AMY2B: variants seen among roughly 807,000 people sequenced by gnomAD.
The protein encoded by AMY2B is alpha-amylase 2B.
In AMY2B, 63 loss-of-function variants were observed where a neutral mutation model predicts 59.3. The ratio of observed to expected loss-of-function variants is 1.06; its 90% CI spans 0.87 to 1.31. AMY2B has a LOEUF of 1.31. Among genes scored for constraint, AMY2B ranks in the 50% most tolerant of loss-of-function variants. AMY2B has a pLI of 0.00. For missense variants in AMY2B, 635 were observed against 626.7 expected (o/e 1.01, Z -0.14); for synonymous variants, 180 against 198.1 (o/e 0.91, Z 0.77).
At chr1:103,575,612 A>T (rs1652322905) in intron 7 of AMY2B, 72 bp downstream of exon 7, 2 of 1,579,376 alleles carry the variant, frequency 1.3e-6, no homozygotes, top group African/African-American at 1.4e-5. Context: ...ACTTAATATG[A>T]CAACTATTAA....
chr1:103,577,721 A>G lies in AMY2B; in HGVS notation c.1222A>G (p.Asn408Asp). 6.2e-7 allele frequency: 1 copy of G among 1,611,676 alleles called. No homozygotes were observed. The highest frequency in any genetic ancestry group is 8.5e-7 in the Non-Finnish European group (1 of 1,179,788). ...TTTTATATGGTATTGTGTTTTTAGG[A>G]ACATGGTTAATTTCCGCAATGTAGT... is the stretch of plus-strand genomic sequence containing the variant. ...VCEHRWRQIR[N>D]MVNFRNVVDG... Residue 408 changes from asparagine to aspartate, a missense_variant and splice_region_variant, in exon 9 of 10, where the codon AAC becomes GAC. Physicochemically the swap from Asn to Asp is conservative, Grantham distance 23. Transcript: ENST00000684275.
rs1388971308 is a variant in AMY2B at position 103,575,223 on chromosome 1, G to A, written c.879G>A (p.Lys293=). The A allele has an allele frequency of 2.5e-6, 4 of 1,613,478 alleles. No individual in the cohort carries two copies. Among genetic ancestry groups the A allele is most frequent in the East Asian group, 2.2e-5 (1 of 44,856 alleles). The change falls in exon 6 of 10, where the codon AAG becomes AAA. Residue 293 remains lysine, a splice_region_variant and synonymous_variant. Coordinates refer to ENST00000684275, the MANE Select transcript of AMY2B (RefSeq NM_001387437.1). The part of the protein sequence containing the change: ...KWNGEKMSYL[K]NWGEGWGFMP... ...CATATATCTTATTTTTCAAAAATAG[G>A]AACTGGGGAGAAGGTTGGGGTTTCA...
intron 1 of AMY2B, 30 bp from the exon 2 acceptor site, chr1:103,572,080 T>C (rs1652156910): frequency 6.2e-7 from 1 of 1,611,514 alleles, no homozygotes; most frequent in Admixed American, 1.7e-5. Flanking sequence ...AGTAAGAATT[T>C]GGTAGTTATG....
At position 103,555,798 on chromosome 1, in the gene AMY2B, A is replaced by G. The variant is rs1651529243; in HGVS notation, c.-207+689A>G. 2.0e-5 allele frequency among the ~76,000 whole-genome samples: 3 copies of G among 152,148 alleles called. No individual in the cohort carries two copies. The South Asian group carries it at 6.2e-4, about 32-fold the overall frequency. ...AGGGGTTGTGAGAAATGGGTTGTTA[A>G]TGGAGGGCAATGTAGTATCAAAAAG... On this transcript the variant is annotated intron_variant, in intron 1 of 11. Coordinates refer to the AMY2B transcript ENST00000361355.
At chr1:103,565,173 G>A (rs550425821) in intron 1 of AMY2B, 1 of 152,262 alleles carries the variant, frequency 6.6e-6, no homozygotes, top group South Asian at 2.1e-4. Context: ...CAGTATCTGT[G>A]GGGGATTGGT....
Position 103,561,043 on chromosome 1 carries a change from C to T in AMY2B, c.-206-4392C>T, listed in dbSNP as rs553215049. ...AATCATATTTCTATCATGTAGGGTA[C>T]GCGTGTGTGATAAGTAAAAGTGATA... is the stretch of plus-strand genomic sequence containing the variant. On this transcript the variant is annotated intron_variant, in intron 1 of 11. Coordinates refer to the AMY2B transcript ENST00000361355. 1.2e-4 allele frequency among the ~76,000 whole-genome samples: 19 copies of T among 152,034 alleles called. No individual in the cohort carries two copies. In the East Asian group the frequency reaches 1.4e-3, roughly 11 times the overall value.
chr1:103,555,417 ATTATT>A (rs961209696), intron 1 of AMY2B, among the ~76,000 whole-genome samples: 1 of 151,740 alleles, frequency 6.6e-6, no homozygotes, highest in Non-Finnish European at 1.5e-5. Flanking sequence ...GTTTTTTGTA[ATTATT>A]TTATATTTGT....
chr1:103,564,781 GCTT>G (rs759169953), intron 1 of AMY2B, among the ~76,000 whole-genome samples: 5 of 151,872 alleles, frequency 3.3e-5, no homozygotes, highest in Non-Finnish European at 5.9e-5. Flanking sequence ...CCAATTCTCT[GCTT>G]CTTTCTTCAT....
intron 1 of AMY2B, among the ~76,000 whole-genome samples, chr1:103,564,809 G>A (rs1251317663): frequency 2.0e-5 from 3 of 151,744 alleles, no homozygotes; most frequent in Non-Finnish European, 2.9e-5. Flanking sequence ...TTTTTTAATT[G>A]TTTTTATATA....
chr1:103,573,368 G>A, intron 3 of AMY2B, 108 bp downstream of exon 3: 1 of 1,559,868 alleles, frequency 6.4e-7, no homozygotes, highest in South Asian at 1.2e-5. Flanking sequence ...ATCTCTTAGG[G>A]ACACAGGTTA....
intron 1 of AMY2B, among the ~76,000 whole-genome samples, chr1:103,562,672 CTTTTT>C (rs373215753): frequency 8.9e-6 from 1 of 112,088 alleles, no homozygotes; most frequent in Admixed American, 9.0e-5. Context: ...GATAACTTGT[CTTTTT>C]TTTTTTTTTT....
intron 8 of AMY2B, 23 bp from the exon 9 acceptor site, chr1:103,577,697 T>C: frequency 1.2e-6 from 2 of 1,611,838 alleles, no homozygotes; most frequent in Non-Finnish European, 1.7e-6. Flanking sequence ...ATATCAACGT[T>C]TTATATGGTA....
rs539646741 is a variant in AMY2B, at chr1:103,577,578, G to A, written c.1190G>A (p.Trp397Ter). 3 of 1,611,914 alleles carry A rather than the reference G, an allele frequency of 1.9e-6. No individual in the cohort carries two copies. The highest frequency in any genetic ancestry group is 1.3e-5 in the African/African-American group (1 of 74,958). Residue 397 changes from tryptophan (W) to a stop codon, truncating the protein, a stop_gained, in exon 8 of 10, where the codon TGG (tryptophan) becomes TAG (stop). Transcript: ENST00000684275. LOFTEE classifies it high-confidence loss of function. Reference sequence around the variant, plus strand: ...CCAGACACTACTTGTGGCAATGACTGGGTCTGTGAACATCGATGGCGCCAA... The same window carrying A: ...CCAGACACTACTTGTGGCAATGACTAGGTCTGTGAACATCGATGGCGCCAA... ...INPDTTCGND[W>*]VCEHRWRQIR...
chr1:103,571,759 G>A lies in AMY2B; in HGVS notation c.157G>A (p.Gly53Arg), dbSNP rs761489185. The A allele has an allele frequency of 1.2e-6, 2 of 1,611,940 alleles. No homozygotes were observed. Among genetic ancestry groups the A allele is most frequent in the South Asian group, 2.2e-5 (2 of 90,980 alleles). ...CERYLAPKGF[G>R]GVQVSPPNEN... Reference sequence around the variant, plus strand: ...GCGATATTTAGCTCCCAAGGGATTTGGAGGGGTTCAGGTGGGTATGATTCA... The same window carrying A: ...GCGATATTTAGCTCCCAAGGGATTTAGAGGGGTTCAGGTGGGTATGATTCA... Residue 53 changes from glycine (G) to arginine (R), a missense_variant, in exon 1 of 10, where the codon GGA becomes AGA. Gly to Arg is a moderately radical substitution (Grantham distance 125). Coordinates refer to ENST00000684275, the MANE Select transcript of AMY2B (RefSeq NM_001387437.1).
At chr1:103,557,705 A>C (rs1349338010) in intron 1 of AMY2B, among the ~76,000 whole-genome samples, 4 of 152,124 alleles carry the variant, frequency 2.6e-5, no homozygotes, top group African/African-American at 9.7e-5. Context: ...ATAAAATAGC[A>C]CTTAATATGG....
intron 1 of AMY2B, among the ~76,000 whole-genome samples, chr1:103,563,583 C>T (rs1212782925): frequency 6.6e-6 from 1 of 152,044 alleles, no homozygotes; most frequent in Non-Finnish European, 1.5e-5. Flanking sequence ...AAATTAAGAT[C>T]AAATGAGAAA....
chr1:103,576,579 GT>G (rs935101187), intron 7 of AMY2B, among the ~76,000 whole-genome samples: 27 of 151,958 alleles, frequency 1.8e-4, no homozygotes, highest in South Asian at 8.3e-4. Flanking sequence ...GGTTACTCTG[GT>G]TTTTTTAATT....
chr1:103,571,328 C>T, upstream of AMY2B: 1 of 908,174 alleles, frequency 1.1e-6, no homozygotes, highest in Non-Finnish European at 1.6e-6. Flanking sequence ...TACGTGAGAA[C>T]ATTAGGCCCC....
In AMY2B at chr1:103,571,633, G is replaced by C. The variant is rs769470887; in HGVS notation, c.31G>C (p.Gly11Arg). ...GTTCTTTCTGTTGCTTTTCACCATT[G>C]GGTTCTGCTGGGCTCAGTATTCCCC... is the stretch of plus-strand genomic sequence containing the variant. MKFFLLLFTI[G>R]FCWAQYSPNT... Residue 11 changes from glycine (G) to arginine (R), a missense_variant, in exon 1 of 10, where the codon GGG becomes CGG. By Grantham distance (125) the Gly-to-Arg change is moderately radical. Transcript: ENST00000684275. The C allele has an allele frequency of 3.7e-6, 6 of 1,611,564 alleles. No individual in the cohort carries two copies. The African/African-American group carries it at 5.3e-5, about 14-fold the overall frequency.
Sources: allele counts gnomAD v4.1 joint callset (sites outside exome capture counted in the v4.1 genomes callset), GRCh38; gene constraint gnomAD v4.1.1; transcripts MANE v1.5; gene names NCBI Gene and HGNC (gene_info 2026-07-23, HGNC 2026-07-21).